ZDHHC14: variants seen among roughly 807,000 people sequenced by gnomAD.
ZDHHC14 encodes palmitoyltransferase ZDHHC14.
A neutral mutation model predicts 47.7 loss-of-function variants in ZDHHC14; 16 were observed. The ratio of observed to expected loss-of-function variants is 0.34; its 90% confidence interval spans 0.23 to 0.51. The LOEUF (loss-of-function observed/expected upper bound fraction) is 0.51, where lower values mean the gene tolerates loss of function less well. ZDHHC14 is among the 20% of genes least tolerant of loss of function. ZDHHC14 has a pLI of 0.97. For missense variants in ZDHHC14, 515 were observed against 662.5 expected (o/e 0.78, Z 2.44); for synonymous variants, 293 against 278.9 (o/e 1.05, Z -0.50).
intron 2 of ZDHHC14, among the ~76,000 whole-genome samples, chr6:157,556,021 C>A (rs763328918): frequency 6.6e-6 from 1 of 152,008 alleles, no homozygotes; most frequent in East Asian, 1.9e-4. Flanking sequence ...CATGAATGGC[C>A]GGAGGAGGCG....
rs547421255 is a variant in ZDHHC14, at chr6:157,394,539, C to T, written c.245+12273C>T. ...AGGCCATGTAGAGGGGTTTAGACCA[C>T]ATAGCAATAGAGGTGACAGTGGAAC... On this transcript the variant is annotated intron_variant, in intron 1 of 8. Transcript: ENST00000359775. Among the ~76,000 whole-genome samples, 5 of 152,288 alleles carry T rather than the reference C, an allele frequency of 3.3e-5. No individual in the cohort carries two copies. The East Asian group carries it at 9.7e-4, about 29-fold the overall frequency.
intron 8 of ZDHHC14, among the ~76,000 whole-genome samples, chr6:157,658,847 T>C (rs1778220395): frequency 6.6e-6 from 1 of 152,228 alleles, no homozygotes; most frequent in African/African-American, 2.4e-5. Context: ...TGAGAAGTGC[T>C]TCTTACTCTT....
chr6:157,561,613 C>T (rs956852859), intron 2 of ZDHHC14, among the ~76,000 whole-genome samples: 1 of 152,194 alleles, frequency 6.6e-6, no homozygotes, highest in African/African-American at 2.4e-5. Context: ...ACACGCACAC[C>T]TGGCACAGAG....
chr6:157,571,374 C>A (rs1783090821), intron 2 of ZDHHC14, among the ~76,000 whole-genome samples: 1 of 152,194 alleles, frequency 6.6e-6, no homozygotes, highest in South Asian at 2.1e-4. Context: ...TCCCCATAAA[C>A]CAGAGCTGCT....
At chr6:157,508,997 CG>C in intron 1 of ZDHHC14, among the ~76,000 whole-genome samples, 1 of 152,114 alleles carries the variant, frequency 6.6e-6, no homozygotes, top group Admixed American at 6.6e-5. Flanking sequence ...CACAAGTTCC[CG>C]TTTCTTCCCG....
intron 1 of ZDHHC14, among the ~76,000 whole-genome samples, chr6:157,482,802 G>A (rs767488236): frequency 1.3e-5 from 2 of 151,188 alleles, no homozygotes; most frequent in Non-Finnish European, 2.9e-5. Context: ...GAGTACAATG[G>A]CATGAACTCA....
chr6:157,651,934 C>G (rs1777858706), intron 7 of ZDHHC14, among the ~76,000 whole-genome samples: 1 of 152,214 alleles, frequency 6.6e-6, no homozygotes, highest in African/African-American at 2.4e-5. Flanking sequence ...TCATCCAACC[C>G]CAGGTCCCAG....
intron 1 of ZDHHC14, among the ~76,000 whole-genome samples, chr6:157,450,029 A>G (rs2114801559): frequency 6.6e-6 from 1 of 152,304 alleles, no homozygotes; most frequent in South Asian, 2.1e-4. Flanking sequence ...TTTTACACAT[A>G]ACGCACTTAG....
intron 1 of ZDHHC14, among the ~76,000 whole-genome samples, chr6:157,465,105 C>CTTTTTTTTTTTTTTTTTT (rs772080368): frequency 9.8e-6 from 1 of 102,008 alleles, no homozygotes; most frequent in Non-Finnish European, 1.9e-5. Flanking sequence ...TCTCTTTCTC[C>CTTTTTTTTTTTTTTTTTT]TTTTTTTTTT....
rs139614569 is a variant in ZDHHC14 at position 157,562,006 on chromosome 6, G to C, written c.406+19261G>C. On this transcript the variant is annotated intron_variant, in intron 2 of 8. Coordinates refer to ENST00000359775, the MANE Select transcript of ZDHHC14 (RefSeq NM_024630.3). ...AGTATCTGAGGTTTTTGTGGGTTCA[G>C]TGAGAAACCTGGGTGTTTATAACAT... 5.3e-3 allele frequency among the ~76,000 whole-genome samples: 800 copies of C among 152,284 alleles called. 3 individuals are homozygous for C. The highest frequency in any genetic ancestry group is 0.017 in the African/African-American group (699 of 41,552).
At chr6:157,406,332 G>A (rs1777762830) in intron 1 of ZDHHC14, among the ~76,000 whole-genome samples, 1 of 152,330 alleles carries the variant, frequency 6.6e-6, no homozygotes, top group Non-Finnish European at 1.5e-5. Context: ...AACATGTGAT[G>A]TCTCCTCAGG....
At chr6:157,641,486 C>T (rs1043759821) in intron 5 of ZDHHC14, among the ~76,000 whole-genome samples, 5 of 152,016 alleles carry the variant, frequency 3.3e-5, no homozygotes, top group African/African-American at 9.7e-5. Context: ...TGTTCATGGG[C>T]CTTATTTTTT....
At chr6:157,525,363 GC>G in intron 1 of ZDHHC14, among the ~76,000 whole-genome samples, 1 of 151,992 alleles carries the variant, frequency 6.6e-6, no homozygotes, top group Non-Finnish European at 1.5e-5. Flanking sequence ...ACAGGGTCTT[GC>G]CATGTTGCCC....
At chr6:157,482,230 G>A (rs1173676790) in intron 1 of ZDHHC14, among the ~76,000 whole-genome samples, 1 of 151,568 alleles carries the variant, frequency 6.6e-6, no homozygotes, top group African/African-American at 2.4e-5. Context: ...GTAAAGTGAG[G>A]ACACCTAACG....
intron 1 of ZDHHC14, among the ~76,000 whole-genome samples, chr6:157,484,845 G>A (rs113301537): frequency 0.034 from 5,107 of 152,180 alleles, 193 homozygotes; most frequent in African/African-American, 0.093. Flanking sequence ...TTACAATTCC[G>A]GATAGTGAAG....
At chr6:157,600,593 A>T (rs1784301729) in intron 3 of ZDHHC14, among the ~76,000 whole-genome samples, 2 of 152,082 alleles carry the variant, frequency 1.3e-5, no homozygotes, top group South Asian at 4.1e-4. Flanking sequence ...TTTAGTAAAG[A>T]TGGGGTTTCA....
rs1243412876 is a variant in ZDHHC14 at position 157,382,129 on chromosome 6, C to T, written c.108C>T (p.Ala36=). ...CCCACAAGAAGAAGAAAATCGCGGC[C>T]CGGAGGAAATGGGAGGTGTTCCCGG... The part of the protein sequence containing the change: ...ESPHKKKKIA[A]RRKWEVFPGR... The change falls in exon 1 of 9, where the codon GCC becomes GCT. Residue 36 remains alanine, a synonymous_variant. Coordinates refer to ENST00000359775, the MANE Select transcript of ZDHHC14 (RefSeq NM_024630.3). The T allele has an allele frequency of 6.2e-7, 1 of 1,613,660 alleles. No individual in the cohort carries two copies.
rs1778929635 is a variant in ZDHHC14, at chr6:157,674,201, CG to C, written c.*1081del. 6.6e-6 allele frequency: 1 copy of C among 152,132 alleles called. No individual in the cohort carries two copies. The highest frequency in any genetic ancestry group is 2.4e-5 in the African/African-American group (1 of 41,410). The allele number at this position is 152,132 out of a possible 1,614,324, so 9.4% of individuals were successfully genotyped here. A position where few individuals can be genotyped will look rare whatever the true frequency, so the allele number is the denominator to read the frequency against. ...TGCAGTTTGCCGTGCAACAGTTGATCGGAAGTAGGGAGAGGGGAGGGGACGC... is the reference window on the plus strand; with the variant it reads ...TGCAGTTTGCCGTGCAACAGTTGATCGAAGTAGGGAGAGGGGAGGGGACGC... On this transcript the variant is annotated 3_prime_UTR_variant, in exon 9 of 9. Coordinates refer to ENST00000359775, the MANE Select transcript of ZDHHC14 (RefSeq NM_024630.3).
At chr6:157,548,051 C>T (rs917317916) in intron 2 of ZDHHC14, among the ~76,000 whole-genome samples, 4 of 151,578 alleles carry the variant, frequency 2.6e-5, no homozygotes, top group Admixed American at 6.6e-5. Flanking sequence ...ACTGCGCAGT[C>T]GCTTTGTGTA....
Sources: allele counts gnomAD v4.1 joint callset (sites outside exome capture counted in the v4.1 genomes callset), GRCh38; gene constraint gnomAD v4.1.1; transcripts MANE v1.5; gene names NCBI Gene and HGNC (gene_info 2026-07-23, HGNC 2026-07-21).